The following ELOVL5 variants were observed in gnomAD, a reference collection of about 807,000 sequenced individuals.
ELOVL5 encodes the protein ELOVL fatty acid elongase 5.
Under a neutral mutation model 38.6 loss-of-function variants are expected in ELOVL5, and 8 were observed. The ratio of observed to expected loss-of-function variants is 0.21; its 90% CI spans 0.12 to 0.37. ELOVL5 has a LOEUF of 0.37. Among genes scored for constraint, ELOVL5 ranks in the 10% least tolerant of loss-of-function variants. The pLI is 1.00. For missense variants in ELOVL5, 280 were observed against 367.8 expected (o/e 0.76, Z 1.95); for synonymous variants, 127 against 133.7 (o/e 0.95, Z 0.34).
intron 1 of ELOVL5, among the ~76,000 whole-genome samples, chr6:53,330,889 T>TC (rs1768772263): frequency 6.6e-6 from 1 of 152,146 alleles, no homozygotes; most frequent in African/African-American, 2.4e-5. Flanking sequence ...ATCTTCAATA[T>TC]CACTGTCTTC....
intron 1 of ELOVL5, among the ~76,000 whole-genome samples, chr6:53,296,707 C>A (rs1185393063): frequency 6.6e-6 from 1 of 152,184 alleles, no homozygotes; most frequent in Non-Finnish European, 1.5e-5. Flanking sequence ...TCCCTACCTT[C>A]CCCAATTTAA....
intron 3 of ELOVL5, among the ~76,000 whole-genome samples, chr6:53,279,942 T>A (rs1230018546): frequency 6.6e-6 from 1 of 152,190 alleles, no homozygotes; most frequent in Non-Finnish European, 1.5e-5. Flanking sequence ...CCATGGGTAG[T>A]GGACTACAGA....
In ELOVL5 at chr6:53,270,680, C is replaced by A; in HGVS notation, c.669G>T (p.Trp223Cys). Residue 223 changes from tryptophan to cysteine, a missense_variant, in exon 7 of 8, where the codon TGG (tryptophan) becomes TGT (cysteine). Physicochemically the swap from Trp to Cys is radical, Grantham distance 215 (BLOSUM62 -2). This residue lies in a region of ELOVL5 where 125 missense variants were observed against 158.9 expected (regional missense o/e 0.79). Coordinates refer to ENST00000304434, the MANE Select transcript of ELOVL5 (RefSeq NM_021814.5). ...TIIQTSCGVI[W>C]PCTFPLGWLY... ...ACCAACCAAGAGGGAATGTGCACGG[C>A]CAGATGACCCCGCAGCTGGTCTGGA... 1 of 1,614,176 alleles carries A rather than the reference C, an allele frequency of 6.2e-7. No homozygotes were observed. The highest frequency in any genetic ancestry group is 8.5e-7 in the Non-Finnish European group (1 of 1,180,038).
rs1158648851 is a variant in ELOVL5 at position 53,269,233 on chromosome 6, T to C, written c.794A>G (p.His265Arg). The stretch of plus-strand genomic sequence containing the variant: ...GGACCCATTCTGGTGGTCCTTCAGG[T>C]GGTCTTTCCTTCGGGAGGCCCCTTT... ...NKKGASRRKD[H>R]LKDHQNGSMA... The change falls in exon 8 of 8, where the codon CAC (histidine) becomes CGC (arginine). Residue 265 changes from histidine to arginine, a missense_variant. Physicochemically the swap from His to Arg is conservative, Grantham distance 29. Coordinates refer to ENST00000304434, the MANE Select transcript of ELOVL5 (RefSeq NM_021814.5). 6.2e-7 allele frequency: 1 copy of C among 1,612,794 alleles called. No individual in the cohort carries two copies. Among genetic ancestry groups the C allele is most frequent in the African/African-American group, 1.3e-5 (1 of 74,880 alleles).
At chr6:53,328,914 T>C (rs934140466) in intron 1 of ELOVL5, among the ~76,000 whole-genome samples, 2 of 152,196 alleles carry the variant, frequency 1.3e-5, no homozygotes, top group African/African-American at 4.8e-5. Flanking sequence ...CCAGTGTTGT[T>C]AAGTGGACAT....
chr6:53,295,599 G>A, intron 2 of ELOVL5, 43 bp downstream of exon 2: 1 of 1,338,280 alleles, frequency 7.5e-7, no homozygotes, highest in East Asian at 2.3e-5. Context: ...TATAGGCAGG[G>A]AGTGATGCTG....
At chr6:53,333,913 A>G (rs1030523866) in intron 1 of ELOVL5, among the ~76,000 whole-genome samples, 7 of 152,168 alleles carry the variant, frequency 4.6e-5, no homozygotes, top group Admixed American at 1.3e-4. Flanking sequence ...AAGGACAGTG[A>G]CCAGGGAGAG....
chr6:53,340,382 C>T (rs1769276933), intron 1 of ELOVL5, among the ~76,000 whole-genome samples: 1 of 152,120 alleles, frequency 6.6e-6, no homozygotes, highest in Non-Finnish European at 1.5e-5. Flanking sequence ...GCCACCACAC[C>T]TAATCAAAAA....
chr6:53,297,966 A>C (rs1767082954), intron 1 of ELOVL5, among the ~76,000 whole-genome samples: 1 of 152,178 alleles, frequency 6.6e-6, no homozygotes, highest in African/African-American at 2.4e-5. Context: ...TTAAATAAGA[A>C]ATGTTTTATC....
At chr6:53,294,080 T>C (rs1370221688) in intron 2 of ELOVL5, 3 of 1,351,218 alleles carry the variant, frequency 2.2e-6, no homozygotes, top group East Asian at 2.6e-5. Context: ...TACACACAAA[T>C]CTCCCTATTT....
chr6:53,285,785 T>C (rs1018270462), intron 3 of ELOVL5, among the ~76,000 whole-genome samples: 1 of 151,780 alleles, frequency 6.6e-6, no homozygotes, highest in East Asian at 1.9e-4. Context: ...ATAAAATTTT[T>C]TGTAGAGAGA....
At chr6:53,348,770 G>A (rs757807587) in intron 1 of ELOVL5, 47 bp downstream of exon 1, 2 of 453,038 alleles carry the variant, frequency 4.4e-6, no homozygotes, top group South Asian at 1.6e-5. Context: ...GGGTGTCATG[G>A]CCGAGCGGCG....
rs1307876968 is a variant in ELOVL5, at chr6:53,348,830, G to A, written c.-22C>T. On this transcript the variant is annotated 5_prime_UTR_variant, in exon 1 of 8. Coordinates refer to ENST00000304434, the MANE Select transcript of ELOVL5 (RefSeq NM_021814.5). The stretch of plus-strand genomic sequence containing the variant: ...TGACGGCTTTACCTTTTAGCCCAAG[G>A]GGCGGCAGCAGCTTTGAGCAGCAGC... The A allele has an allele frequency of 6.6e-6, 3 of 457,330 alleles. No individual in the cohort carries two copies. The highest frequency in any genetic ancestry group is 7.0e-5 in the East Asian group (1 of 14,288). 28.3% of individuals were successfully genotyped at this position (457,330 alleles called of 1,614,324 possible). A position where few individuals can be genotyped will look rare whatever the true frequency, so the allele number is the denominator to read the frequency against.
intron 1 of ELOVL5, among the ~76,000 whole-genome samples, chr6:53,342,652 A>G (rs9367523): frequency 0.34 from 52,280 of 152,072 alleles, 9,670 homozygotes; most frequent in African/African-American, 0.48. Flanking sequence ...TATTTCAATA[A>G]AATTGTTATT....
At chr6:53,275,636 T>C (rs1766082750) in intron 4 of ELOVL5, among the ~76,000 whole-genome samples, 1 of 152,150 alleles carries the variant, frequency 6.6e-6, no homozygotes, top group Admixed American at 6.5e-5. Flanking sequence ...AAAAACGCTA[T>C]TGATTTCAGG....
intron 1 of ELOVL5, among the ~76,000 whole-genome samples, chr6:53,346,526 G>T (rs1035401114): frequency 3.3e-5 from 5 of 151,998 alleles, no homozygotes; most frequent in Non-Finnish European, 5.9e-5. Context: ...TTCAAGGAAA[G>T]ACTTATTTAC....
chr6:53,342,502 G>A (rs1281593218), intron 1 of ELOVL5, among the ~76,000 whole-genome samples: 3 of 152,204 alleles, frequency 2.0e-5, no homozygotes, highest in Non-Finnish European at 4.4e-5. Context: ...GCTTATAAGA[G>A]ATTAATTCTG....
intron 1 of ELOVL5, among the ~76,000 whole-genome samples, chr6:53,342,002 AG>A (rs1364243586): frequency 6.6e-6 from 1 of 152,210 alleles, no homozygotes; most frequent in African/African-American, 2.4e-5. Context: ...AACCCCGCAT[AG>A]GTGCAGGCTG....
intron 3 of ELOVL5, among the ~76,000 whole-genome samples, chr6:53,280,853 C>T (rs1366008500): frequency 6.6e-6 from 1 of 152,148 alleles, no homozygotes; most frequent in East Asian, 1.9e-4. Flanking sequence ...CCTTGGCCAC[C>T]CAAAGTGCTG....
Sources: gnomAD v4.1 joint callset for allele counts (sites outside exome capture counted in the v4.1 genomes callset) on GRCh38, gnomAD v4.1.1 for gene constraint, gnomAD v4.1.1 regional missense constraint, MANE v1.5 for transcripts, NCBI Gene and HGNC (gene_info 2026-07-23, HGNC 2026-07-21) for gene names.